ZNF704: variants seen among roughly 807,000 people sequenced by gnomAD.
The protein encoded by ZNF704 is glucocorticoid induced gene 1.
ZNF704 carries 10 observed loss-of-function variants against 44.7 expected under a neutral mutation model. The ratio of observed to expected loss-of-function variants is 0.22; its 90% CI spans 0.14 to 0.38. The LOEUF (loss-of-function observed/expected upper bound fraction) is 0.38. ZNF704 is among the 10% of genes least tolerant of loss of function. ZNF704 has a pLI of 1.00. For synonymous variants in ZNF704, 211 were observed against 207.6 expected, an observed-to-expected ratio of 1.02 and a Z score of -0.14; for missense variants, 390 against 545.5, an observed-to-expected ratio of 0.71 and a Z score of 2.84.
At chr8:80,871,598 C>T (rs978262790) in intron 1 of ZNF704, among the ~76,000 whole-genome samples, 1 of 152,186 alleles carries the variant, frequency 6.6e-6, no homozygotes, top group Non-Finnish European at 1.5e-5. Flanking sequence ...TGCTATGATG[C>T]CTCTCACTAG....
intron 7 of ZNF704, among the ~76,000 whole-genome samples, chr8:80,648,593 T>C (rs1473718495): frequency 2.6e-5 from 4 of 152,322 alleles, no homozygotes; most frequent in East Asian, 1.9e-4. Flanking sequence ...AAATAATCTA[T>C]ATCTACATCT....
chr8:80,686,071 C>T (rs1818529444), intron 4 of ZNF704, among the ~76,000 whole-genome samples: 1 of 152,132 alleles, frequency 6.6e-6, no homozygotes, highest in South Asian at 2.1e-4. Context: ...TGGTAGTTTT[C>T]CTTTATTCTG....
chr8:80,724,071 A>C (rs1264768611), intron 2 of ZNF704, among the ~76,000 whole-genome samples: 5 of 152,208 alleles, frequency 3.3e-5, no homozygotes, highest in Non-Finnish European at 5.9e-5. Flanking sequence ...TGTTGTTTTG[A>C]AGATTCTTAG....
chr8:80,819,010 A>T (rs1808220848), intron 2 of ZNF704, among the ~76,000 whole-genome samples: 2 of 152,128 alleles, frequency 1.3e-5, no homozygotes, highest in Non-Finnish European at 2.9e-5. Flanking sequence ...TTATCTCACC[A>T]ACTGCTGGCA....
At chr8:80,650,965 C>A (rs1411432620) in intron 7 of ZNF704, among the ~76,000 whole-genome samples, 2 of 152,214 alleles carry the variant, frequency 1.3e-5, no homozygotes, top group Non-Finnish European at 2.9e-5. Flanking sequence ...AACAGCTGAT[C>A]TCTCAGCAGA....
chr8:80,828,624 C>T (rs919032403), intron 1 of ZNF704, among the ~76,000 whole-genome samples: 5 of 152,016 alleles, frequency 3.3e-5, no homozygotes, highest in African/African-American at 7.2e-5. Context: ...TTTTAATTTT[C>T]GGTAGGAGAA....
chr8:80,873,666 C>T (rs1430993524), intron 1 of ZNF704: 1 of 154,608 alleles, frequency 6.5e-6, no homozygotes, highest in Admixed American at 6.6e-5. Flanking sequence ...ACCTCCTCGT[C>T]CTCCTCTTCC....
At chr8:80,655,992 A>G (rs1446656847) in intron 7 of ZNF704, among the ~76,000 whole-genome samples, 8 of 152,162 alleles carry the variant, frequency 5.3e-5, no homozygotes, top group Non-Finnish European at 1.2e-4. Context: ...CCTCAAATTC[A>G]TATGATAAAG....
In ZNF704 at chr8:80,664,795, C is replaced by T; in HGVS notation, c.927+20G>A. The T allele has an allele frequency of 1.2e-6, 2 of 1,613,362 alleles. No individual in the cohort carries two copies. The highest frequency in any genetic ancestry group is 1.7e-6 in the Non-Finnish European group (2 of 1,179,308). On this transcript the variant is annotated intron_variant, in intron 6 of 8. Transcript: ENST00000327835. ...TGGTCAAGGTCAAAGTGATTGCTCTCACAGTCCCCTGCAAGTCACCTGGTA... is the reference window on the plus strand; with the variant it reads ...TGGTCAAGGTCAAAGTGATTGCTCTTACAGTCCCCTGCAAGTCACCTGGTA...
chr8:80,863,281 A>C (rs1809100290), intron 1 of ZNF704, among the ~76,000 whole-genome samples: 1 of 152,218 alleles, frequency 6.6e-6, no homozygotes, highest in African/African-American at 2.4e-5. Context: ...TTCTGTAAGC[A>C]CTTGCAGCTG....
chr8:80,751,608 A>G (rs961315103), intron 2 of ZNF704, among the ~76,000 whole-genome samples: 1 of 152,208 alleles, frequency 6.6e-6, no homozygotes, highest in Non-Finnish European at 1.5e-5. Context: ...TTCCCAATCA[A>G]TGGAATCTAA....
chr8:80,769,105 G>A lies in ZNF704; in HGVS notation c.221+52269C>T, dbSNP rs557626145. 3.3e-5 allele frequency among the ~76,000 whole-genome samples: 5 copies of A among 152,248 alleles called. No homozygotes were observed. In the South Asian group the frequency reaches 1.0e-3, roughly 32 times the overall value. On this transcript the variant is annotated intron_variant, in intron 2 of 8. Transcript: ENST00000327835. ...GCTGAGTTAGATGGTTCATGATGATGTTCAAATCTTTAGAGATTCTAAAGA... is the reference window on the plus strand; with the variant it reads ...GCTGAGTTAGATGGTTCATGATGATATTCAAATCTTTAGAGATTCTAAAGA...
chr8:80,670,736 C>G (rs1818265532), intron 4 of ZNF704, 133 bp from the exon 5 acceptor site: 5 of 655,144 alleles, frequency 7.6e-6, no homozygotes, highest in Admixed American at 6.9e-5. Context: ...TAACTCAGCA[C>G]ACTATTGTAG....
chr8:80,845,585 A>G (rs1303466868), intron 1 of ZNF704, among the ~76,000 whole-genome samples: 1 of 152,206 alleles, frequency 6.6e-6, no homozygotes, highest in Non-Finnish European at 1.5e-5. Context: ...TATCAGTCTT[A>G]AAGATTGTGG....
intron 2 of ZNF704, 134 bp downstream of exon 2, chr8:80,821,240 A>G: frequency 1.1e-6 from 1 of 915,698 alleles, no homozygotes; most frequent in Non-Finnish European, 1.7e-6. Context: ...TCACACAAGC[A>G]ATAGAAAAAA....
chr8:80,873,742 C>G (rs1370048584), intron 1 of ZNF704: 1 of 153,254 alleles, frequency 6.5e-6, no homozygotes. Context: ...GCCCCCTCCG[C>G]CGCCTGCTCC....
rs1474429776 is a variant in ZNF704 at position 80,629,381 on chromosome 8, CT to C, written c.*11984del. 4 of 152,178 alleles carry C rather than the reference CT, an allele frequency of 2.6e-5. No individual in the cohort carries two copies. In the East Asian group the frequency reaches 7.7e-4, roughly 29 times the overall value. The allele number at this position is 152,178 out of a possible 1,614,324, so 9.4% of individuals were successfully genotyped here. A position where few individuals can be genotyped will look rare whatever the true frequency, so the allele number is the denominator to read the frequency against. On this transcript the variant is annotated 3_prime_UTR_variant, in exon 9 of 9. Transcript: ENST00000327835. The stretch of plus-strand genomic sequence containing the variant: ...TAGGTAGCAAACAATCCAGTATAAC[CT>C]TAAGTACCAGGTTTAGAAATGCGTG...
chr8:80,689,409 G>C (rs1818594949), intron 3 of ZNF704, among the ~76,000 whole-genome samples: 1 of 152,140 alleles, frequency 6.6e-6, no homozygotes, highest in Non-Finnish European at 1.5e-5. Context: ...CTCATGCTTT[G>C]CCAGCATCAA....
At chr8:80,746,796 A>C (rs930243446) in intron 2 of ZNF704, among the ~76,000 whole-genome samples, 1 of 152,206 alleles carries the variant, frequency 6.6e-6, no homozygotes, top group Admixed American at 6.5e-5. Context: ...GAGTCAAAGA[A>C]GGCTTCTTGG....
Sources: gnomAD v4.1 joint callset for allele counts (sites outside exome capture counted in the v4.1 genomes callset) on GRCh38, gnomAD v4.1.1 for gene constraint, MANE v1.5 for transcripts, NCBI Gene and HGNC (gene_info 2026-07-23, HGNC 2026-07-21) for gene names.